INSYN2B: variants seen among roughly 807,000 people sequenced by gnomAD.
The protein encoded by INSYN2B is inhibitory synaptic factor family member 2B.
A neutral mutation model predicts 41.2 loss-of-function variants in INSYN2B; 16 were observed. The ratio of observed to expected loss-of-function variants is 0.39; its 90% CI spans 0.26 to 0.59. INSYN2B has a LOEUF of 0.59. INSYN2B is among the 20% of genes least tolerant of loss of function. The pLI is 0.57. For missense variants in INSYN2B, 608 were observed against 646.4 expected (o/e 0.94, Z 0.64); for synonymous variants, 245 against 244.4 (o/e 1.00, Z -0.02).
chr5:169,916,959 C>T (rs534207810), intron 1 of INSYN2B, among the ~76,000 whole-genome samples: 5 of 152,240 alleles, frequency 3.3e-5, no homozygotes, highest in East Asian at 1.9e-4. Context: ...AAATAGCCAT[C>T]GTCATTACTC....
At chr5:169,969,455 G>T (rs1055151796) in intron 1 of INSYN2B, among the ~76,000 whole-genome samples, 3 of 151,728 alleles carry the variant, frequency 2.0e-5, no homozygotes, top group African/African-American at 7.3e-5. Flanking sequence ...AAAAAACAAA[G>T]AAAAAAGAAA....
intron 1 of INSYN2B, among the ~76,000 whole-genome samples, chr5:169,933,271 T>C (rs74933776): frequency 0.066 from 9,988 of 152,310 alleles, 636 homozygotes; most frequent in African/African-American, 0.16. Context: ...GGTTAGCCTG[T>C]AGGACAGTGG....
intron 1 of INSYN2B, among the ~76,000 whole-genome samples, chr5:169,926,814 C>T (rs1561829977): frequency 6.6e-6 from 1 of 152,172 alleles, no homozygotes; most frequent in Non-Finnish European, 1.5e-5. Flanking sequence ...ATCTCAGGCA[C>T]TGCAGTGGAA....
intron 1 of INSYN2B, among the ~76,000 whole-genome samples, chr5:169,886,946 T>C (rs1304903501): frequency 2.6e-5 from 4 of 152,206 alleles, no homozygotes; most frequent in Non-Finnish European, 4.4e-5. Context: ...CTCTCTTCCT[T>C]AATCCTATGA....
chr5:169,882,519 A>C, intron 2 of INSYN2B, 34 bp downstream of exon 2: 2 of 1,502,642 alleles, frequency 1.3e-6, no homozygotes, highest in Middle Eastern at 1.7e-4. Flanking sequence ...GACTTCACCC[A>C]GTCATTTTTA....
At chr5:169,967,882 C>T (rs776997120) in intron 1 of INSYN2B, among the ~76,000 whole-genome samples, 10 of 151,912 alleles carry the variant, frequency 6.6e-5, no homozygotes, top group African/African-American at 1.9e-4. Context: ...GTGGGAGGAG[C>T]GAGAGAAAGG....
chr5:169,963,458 C>T (rs76338987), intron 1 of INSYN2B, among the ~76,000 whole-genome samples: 4,894 of 152,222 alleles, frequency 0.032, 240 homozygotes, highest in African/African-American at 0.1. Flanking sequence ...ATGGTGACTC[C>T]TCTGGTCCTA....
At chr5:169,890,866 T>C (rs1773241525) in intron 1 of INSYN2B, among the ~76,000 whole-genome samples, 1 of 152,156 alleles carries the variant, frequency 6.6e-6, no homozygotes, top group African/African-American at 2.4e-5. Flanking sequence ...AGTGTCCCCC[T>C]CTCTTGTCCT....
At chr5:169,890,156 G>A (rs774273994) in intron 1 of INSYN2B, among the ~76,000 whole-genome samples, 1 of 152,222 alleles carries the variant, frequency 6.6e-6, no homozygotes, top group South Asian at 2.1e-4. Context: ...CGGGGCTCTG[G>A]TGGAGACCCC....
chr5:169,876,990 T>C (rs936154124), intron 3 of INSYN2B, among the ~76,000 whole-genome samples: 6 of 152,172 alleles, frequency 3.9e-5, no homozygotes, highest in Non-Finnish European at 8.8e-5. Context: ...CATATTACAA[T>C]GCAATAGGAT....
intron 1 of INSYN2B, among the ~76,000 whole-genome samples, chr5:169,895,135 A>C (rs1773524046): frequency 6.6e-6 from 1 of 152,196 alleles, no homozygotes; most frequent in African/African-American, 2.4e-5. Flanking sequence ...GCTGTGTAGC[A>C]CACCTTTAAT....
At chr5:169,876,802 T>C (rs1772362631) in intron 3 of INSYN2B, among the ~76,000 whole-genome samples, 1 of 152,250 alleles carries the variant, frequency 6.6e-6, no homozygotes. Flanking sequence ...ACAATGACTT[T>C]ACTTCTGGAC....
chr5:169,911,395 T>G (rs1421224780), intron 1 of INSYN2B, among the ~76,000 whole-genome samples: 1 of 152,188 alleles, frequency 6.6e-6, no homozygotes, highest in East Asian at 1.9e-4. Flanking sequence ...TCAGAGCCAG[T>G]GGAGCTTTTA....
chr5:169,907,344 T>C (rs1774339388), intron 1 of INSYN2B, among the ~76,000 whole-genome samples: 1 of 152,238 alleles, frequency 6.6e-6, no homozygotes, highest in South Asian at 2.1e-4. Context: ...CATGTATTTC[T>C]AGAAGGGAGC....
At chr5:169,877,641 G>T (rs1417523817) in intron 3 of INSYN2B, among the ~76,000 whole-genome samples, 1 of 152,030 alleles carries the variant, frequency 6.6e-6, no homozygotes, top group Non-Finnish European at 1.5e-5. Flanking sequence ...TCTGCATGTA[G>T]TTGCTTGAAA....
At chr5:169,896,379 C>G (rs1171493075) in intron 1 of INSYN2B, among the ~76,000 whole-genome samples, 3 of 152,180 alleles carry the variant, frequency 2.0e-5, no homozygotes, top group Admixed American at 1.3e-4. Flanking sequence ...ATTCTGAAAA[C>G]AGACGGCTTA....
rs1342655340 is a variant in INSYN2B at position 169,950,832 on chromosome 5, GC to G, written c.-919+29444del. 3.9e-5 allele frequency among the ~76,000 whole-genome samples: 6 copies of G among 152,342 alleles called. No homozygotes were observed. In the South Asian group the frequency reaches 8.3e-4, roughly 21 times the overall value. ...TCAGCAGCCTCCTCTCACAGTCTGG[GC>G]TGCAGGTTCTTACTGAGGCTGAGCC... On this transcript the variant is annotated intron_variant, in intron 1 of 3. Transcript: ENST00000377365.
At chr5:169,957,538 CT>C (rs1470131544) in intron 1 of INSYN2B, among the ~76,000 whole-genome samples, 1 of 152,178 alleles carries the variant, frequency 6.6e-6, no homozygotes, top group Admixed American at 6.5e-5. Flanking sequence ...CAGGTGACTG[CT>C]CCAGGTCACA....
At position 169,904,091 on chromosome 5, in the gene INSYN2B, C is replaced by CAAAA. The variant is rs57983281; in HGVS notation, c.-918-19279_-918-19276dup. Among the ~76,000 whole-genome samples, 69 of 70,124 alleles carry CAAAA rather than the reference C, an allele frequency of 9.8e-4. 1 individual carries two copies. The highest frequency in any genetic ancestry group is 3.0e-3 in the East Asian group (7 of 2,342). The allele number at this position is 70,124 out of a possible 152,430, so 46.0% of individuals were successfully genotyped here. A position where few individuals can be genotyped will look rare whatever the true frequency, so the allele number is the denominator to read the frequency against. ...TGGGCAACAGAGCAAGACTTCGTCT[C>CAAAA]AAAAAAAAAAAAAAAAAAAAAGTTT... On this transcript the variant is annotated intron_variant, in intron 1 of 3. Coordinates refer to ENST00000377365, the MANE Select transcript of INSYN2B (RefSeq NM_001129891.3).
Sources: gnomAD v4.1 joint callset for allele counts (sites outside exome capture counted in the v4.1 genomes callset) on GRCh38, gnomAD v4.1.1 for gene constraint, MANE v1.5 for transcripts, NCBI Gene and HGNC (gene_info 2026-07-23, HGNC 2026-07-21) for gene names.